Variants in SYDE2 observed in about 807,000 individuals in gnomAD.
SYDE2 encodes the protein synapse defective Rho GTPase homolog 2.
SYDE2 carries 76 observed loss-of-function variants against 91.5 expected under a neutral mutation model. That is an observed-to-expected ratio of 0.83 (90% CI 0.69 to 1.01). The LOEUF (loss-of-function observed/expected upper bound fraction) is 1.01. Among genes scored for constraint, SYDE2 ranks in the 50% least tolerant of loss-of-function variants. The pLI, the probability that SYDE2 is intolerant of heterozygous loss-of-function variation, is 0.00. For synonymous variants in SYDE2, 513 were observed against 506.4 expected, an observed-to-expected ratio of 1.01 and a Z score of -0.18; for missense variants, 1,364 against 1,367.7, an observed-to-expected ratio of 1.00 and a Z score of 0.04.
At chr1:85,160,071 T>C in intron 6 of SYDE2, 1 of 984,432 alleles carries the variant, frequency 1.0e-6, no homozygotes, top group Non-Finnish European at 1.2e-6. Flanking sequence ...GGCTATTCTG[T>C]ATATAAAATA....
At chr1:85,199,628 C>T (rs1658730555) in intron 1 of SYDE2, among the ~76,000 whole-genome samples, 1 of 151,880 alleles carries the variant, frequency 6.6e-6, no homozygotes, top group South Asian at 2.1e-4. Flanking sequence ...GTTGAGGTTT[C>T]TTTGTCGGGG....
chr1:85,160,583 T>A (rs1005913734), intron 6 of SYDE2: 2 of 985,220 alleles, frequency 2.0e-6, no homozygotes, highest in African/African-American at 3.5e-5. Flanking sequence ...AATGGATAAC[T>A]GATTTTTCCA....
Position 85,182,099 on chromosome 1 carries a change from T to G in SYDE2, c.2543A>C (p.Gln848Pro), listed in dbSNP as rs1394307328. Reference protein sequence around the residue: ...CIMEIEKRGCQVVGLYRLCGS... With the variant: ...CIMEIEKRGCPVVGLYRLCGS... The stretch of plus-strand genomic sequence containing the variant: ...TAGGGAACCATAGTAAGATAATACC[T>G]GACAGCCTCTCTTTTCAATTTCCAT... The change falls in exon 3 of 7, where the codon CAG becomes CCG. Residue 848 changes from glutamine (Q) to proline (P), a missense_variant and splice_region_variant. Gln to Pro is a moderately conservative substitution (Grantham distance 76). Transcript: ENST00000341460. 1 of 1,579,856 alleles carries G rather than the reference T, an allele frequency of 6.3e-7. No individual in the cohort carries two copies. Among genetic ancestry groups the G allele is most frequent in the African/African-American group, 1.4e-5 (1 of 73,406 alleles).
rs1194164470 is a variant in SYDE2, at chr1:85,157,310, C to G, written c.*1440G>C. 1 of 151,828 alleles carries G rather than the reference C, an allele frequency of 6.6e-6. No homozygotes were observed. 9.4% of individuals were successfully genotyped at this position (151,828 alleles called of 1,614,324 possible). A position where few individuals can be genotyped will look rare whatever the true frequency, so the allele number is the denominator to read the frequency against. The stretch of plus-strand genomic sequence containing the variant: ...AATACATTTTGATTTAATACAAAAG[C>G]CTTCTAAATTTACATTTTCAAACAT... On this transcript the variant is annotated 3_prime_UTR_variant, in exon 7 of 7. Coordinates refer to ENST00000341460, the MANE Select transcript of SYDE2 (RefSeq NM_032184.2).
chr1:85,183,335 T>G, intron 2 of SYDE2, 135 bp from the exon 3 acceptor site: 1 of 706,990 alleles, frequency 1.4e-6, no homozygotes. Context: ...AATGGGGAGA[T>G]TTCATTAGAA....
intron 4 of SYDE2, among the ~76,000 whole-genome samples, chr1:85,177,442 T>G (rs1657743313): frequency 6.6e-6 from 1 of 152,142 alleles, no homozygotes; most frequent in Admixed American, 6.5e-5. Context: ...ATTCATAATC[T>G]TTCTTGACAC....
At position 85,190,150 on chromosome 1, in the gene SYDE2, C is replaced by A. The variant is rs375897285; in HGVS notation, c.1348G>T (p.Glu450Ter). The stretch of plus-strand genomic sequence containing the variant: ...TTTTGCTTGTACTGCTGCACAAATT[C>A]TGTGGAATGGGCAGGATGTATAGGA... The part of the protein sequence containing the change: ...MNPIHPAHST[E>*]FVQQYKQKLG... The change falls in exon 2 of 7, where the codon GAA becomes TAA. Residue 450 changes from glutamate (E) to a stop codon, truncating the protein, a stop_gained. Coordinates refer to ENST00000341460, the MANE Select transcript of SYDE2 (RefSeq NM_032184.2). LOFTEE classifies it high-confidence loss of function. 2 of 1,613,862 alleles carry A rather than the reference C, an allele frequency of 1.2e-6. No individual in the cohort carries two copies. Among genetic ancestry groups the A allele is most frequent in the African/African-American group, 1.3e-5 (1 of 74,924 alleles).
chr1:85,169,984 T>C (rs928855552), intron 4 of SYDE2, among the ~76,000 whole-genome samples: 1 of 152,096 alleles, frequency 6.6e-6, no homozygotes, highest in Admixed American at 6.6e-5. Flanking sequence ...AAGGCTGGCA[T>C]GTGATCACAA....
Position 85,169,219 on chromosome 1 carries a change from AG to A in SYDE2, c.2677del (p.Lys894ArgfsTer4). 6.2e-7 allele frequency: 1 copy of A among 1,608,974 alleles called. No individual in the cohort carries two copies. Among genetic ancestry groups the A allele is most frequent in the Non-Finnish European group, 8.5e-7 (1 of 1,177,676 alleles). ...YPDINVITGV[L>X]KDYLRELPSP... ...AGGGAGTTCTCTTAAATAATCCTTA[AG>A]AACACCTTTAAAAAACAAACCGCAG... On this transcript the variant is annotated frameshift_variant, in exon 5 of 7. Coordinates refer to ENST00000341460, the MANE Select transcript of SYDE2 (RefSeq NM_032184.2). LOFTEE classifies it high-confidence loss of function.
chr1:85,166,008 G>A (rs897234278), intron 5 of SYDE2, among the ~76,000 whole-genome samples: 2 of 151,318 alleles, frequency 1.3e-5, no homozygotes, highest in African/African-American at 2.4e-5. Flanking sequence ...CAAGTAGCTC[G>A]GGCTACAGGC....
chr1:85,159,803 T>C, intron 6 of SYDE2: 1 of 949,372 alleles, frequency 1.1e-6, no homozygotes, highest in Non-Finnish European at 1.3e-6. Flanking sequence ...GTACAAATAC[T>C]AGATTTGACC....
At chr1:85,180,939 A>G (rs1016983522) in intron 3 of SYDE2, among the ~76,000 whole-genome samples, 1 of 152,126 alleles carries the variant, frequency 6.6e-6, no homozygotes, top group Non-Finnish European at 1.5e-5. Flanking sequence ...AAAAGAAAAA[A>G]ACAGAATCTT....
rs1658792890 is a variant in SYDE2 at position 85,200,648 on chromosome 1, C to G, written c.349G>C (p.Asp117His). The change falls in exon 1 of 7, where the codon GAC (aspartate) becomes CAC (histidine). Residue 117 changes from aspartate to histidine, a missense_variant. Asp to His is a moderately conservative substitution (Grantham distance 81). Coordinates refer to ENST00000341460, the MANE Select transcript of SYDE2 (RefSeq NM_032184.2). ...WIRCGAHRDW[D>H]EPPPRGGRMD... is the part of the protein sequence containing the mutation. ...CTGCCTCCACGTGGCGGGGGCTCGT[C>G]CCAGTCCCGGTGCGCGCCGCACCTG... The G allele has an allele frequency of 6.5e-7, 1 of 1,541,022 alleles. No homozygotes were observed. Among genetic ancestry groups the G allele is most frequent in the African/African-American group, 1.4e-5 (1 of 73,260 alleles).
chr1:85,164,725 T>C lies in SYDE2; in HGVS notation c.2886A>G (p.Lys962=). The change falls in exon 6 of 7, where the codon AAA becomes AAG. Residue 962 remains lysine, a synonymous_variant. Transcript: ENST00000341460. ...TCACTTCATGATAGGAAGCCACCAA[T>C]TTCAAATGATCCAACAACATCTTTA... ...ATLKMLLDHL[K]LVASYHEVNK... The C allele has an allele frequency of 6.9e-7, 1 of 1,451,524 alleles. No homozygotes were observed. Among genetic ancestry groups the C allele is most frequent in the Non-Finnish European group, 9.1e-7 (1 of 1,100,728 alleles). The allele number at this position is 1,451,524 out of a possible 1,614,324, so 89.9% of individuals were successfully genotyped here.
chr1:85,199,215 T>G (rs1658713816), intron 1 of SYDE2, among the ~76,000 whole-genome samples: 1 of 152,242 alleles, frequency 6.6e-6, no homozygotes, highest in South Asian at 2.1e-4. Flanking sequence ...CCTTTTACAT[T>G]TCAGGATTTA....
chr1:85,178,036 G>C, intron 4 of SYDE2, 110 bp downstream of exon 4: 3 of 929,678 alleles, frequency 3.2e-6, no homozygotes, highest in South Asian at 1.8e-5. Flanking sequence ...AGGAAGAAAA[G>C]ACTTCAGAAT....
intron 1 of SYDE2, among the ~76,000 whole-genome samples, chr1:85,191,757 C>CAAAA (rs534474157): frequency 1.1e-5 from 1 of 93,468 alleles, no homozygotes. Flanking sequence ...GATTCCGTCT[C>CAAAA]AAAAAAAAAA....
At chr1:85,161,065 A>G (rs1229720843) in intron 6 of SYDE2, 6 of 984,714 alleles carry the variant, frequency 6.1e-6, no homozygotes, top group African/African-American at 1.7e-5. Flanking sequence ...AAAATGGCTA[A>G]TTTTAACCTC....
At chr1:85,166,939 G>T (rs143432230) in intron 5 of SYDE2, among the ~76,000 whole-genome samples, 1 of 152,114 alleles carries the variant, frequency 6.6e-6, no homozygotes, top group African/African-American at 2.4e-5. Flanking sequence ...GGCTGGGCGT[G>T]GTGGTTCATG....
Sources: allele counts gnomAD v4.1 joint callset (sites outside exome capture counted in the v4.1 genomes callset), GRCh38; gene constraint gnomAD v4.1.1; transcripts MANE v1.5; gene names NCBI Gene and HGNC (gene_info 2026-07-23, HGNC 2026-07-21).